NKAIN2: variants seen among roughly 807,000 people sequenced by gnomAD.
NKAIN2 encodes the protein sodium/potassium-transporting ATPase subunit beta-1-interacting protein 2.
NKAIN2 carries 14 observed loss-of-function variants against 32.6 expected under a neutral mutation model. The observed-to-expected ratio is 0.43, with a 90% CI of 0.28 to 0.67. The LOEUF (loss-of-function observed/expected upper bound fraction) is 0.67. NKAIN2 is among the 30% of genes least tolerant of loss of function. The pLI, the probability that NKAIN2 is intolerant of heterozygous loss-of-function variation, is 0.17. For missense variants in NKAIN2, 198 were observed against 258.3 expected (o/e 0.77, Z 1.60); for synonymous variants, 80 against 87.2 (o/e 0.92, Z 0.46).
chr6:124,231,435 A>G (rs1416316766), intron 1 of NKAIN2, among the ~76,000 whole-genome samples: 1 of 152,302 alleles, frequency 6.6e-6, no homozygotes, highest in African/African-American at 2.4e-5. Context: ...ATGTAAAGAC[A>G]TGAGATTTGG....
At chr6:124,276,087 A>T (rs1795017320) in intron 1 of NKAIN2, among the ~76,000 whole-genome samples, 1 of 151,898 alleles carries the variant, frequency 6.6e-6, no homozygotes, top group Non-Finnish European at 1.5e-5. Context: ...TAATCAGAGC[A>T]ATTAGGGCCA....
At chr6:124,259,071 G>C (rs1794094784) in intron 1 of NKAIN2, among the ~76,000 whole-genome samples, 1 of 152,140 alleles carries the variant, frequency 6.6e-6, no homozygotes, top group Non-Finnish European at 1.5e-5. Context: ...GGTTACTGAG[G>C]AGGGGTTTAC....
chr6:124,511,064 A>T (rs928791748), intron 3 of NKAIN2, among the ~76,000 whole-genome samples: 3 of 152,202 alleles, frequency 2.0e-5, no homozygotes, highest in Non-Finnish European at 4.4e-5. Flanking sequence ...AATTGACATT[A>T]CTAGTTTCAA....
intron 3 of NKAIN2, among the ~76,000 whole-genome samples, chr6:124,600,880 T>C (rs1322293124): frequency 6.6e-6 from 1 of 152,048 alleles, no homozygotes; most frequent in East Asian, 1.9e-4. Flanking sequence ...GCCTTCTCGA[T>C]TTTTTAAAAA....
intron 5 of NKAIN2, among the ~76,000 whole-genome samples, chr6:124,806,819 A>AGG (rs1307158211): frequency 7.9e-5 from 12 of 151,650 alleles, no homozygotes; most frequent in South Asian, 6.3e-4. Flanking sequence ...GGAAAACAAA[A>AGG]AAAGGCAGGG....
chr6:124,645,101 A>G (rs778776925), intron 3 of NKAIN2, among the ~76,000 whole-genome samples: 1 of 152,230 alleles, frequency 6.6e-6, no homozygotes, highest in Non-Finnish European at 1.5e-5. Flanking sequence ...AAGAATTAAC[A>G]GTGAGACAAG....
intron 1 of NKAIN2, among the ~76,000 whole-genome samples, chr6:124,168,479 T>G (rs1383223171): frequency 6.6e-6 from 1 of 152,140 alleles, no homozygotes; most frequent in Non-Finnish European, 1.5e-5. Flanking sequence ...ATGACAGTTA[T>G]CCATGGGTTA....
rs73772173 is a variant in NKAIN2, at chr6:124,595,387, T to A, written c.274-62799T>A. Among the ~76,000 whole-genome samples the A allele has an allele frequency of 5.7e-3, 867 of 152,278 alleles. 9 individuals are homozygous for A. Among genetic ancestry groups the A allele is most frequent in the African/African-American group, 0.02 (822 of 41,566 alleles). On this transcript the variant is annotated intron_variant, in intron 3 of 6. Transcript: ENST00000368417. ...GGCCATTTTCACAGACCCTGCCTGC[T>A]CGGTCCTTGGGCTAACATTGCAGAA... is the stretch of plus-strand genomic sequence containing the variant.
chr6:124,503,347 A>G (rs1349667163), intron 3 of NKAIN2, among the ~76,000 whole-genome samples: 1 of 152,206 alleles, frequency 6.6e-6, no homozygotes, highest in Non-Finnish European at 1.5e-5. Flanking sequence ...AGGTACATTC[A>G]TAGAGACATC....
At position 124,641,530 on chromosome 6, in the gene NKAIN2, CTTTTTTTTTTTTTTTTTTTTTTTTTT is replaced by C. The variant is rs755033671; in HGVS notation, c.274-16642_274-16617del. 5.6e-3 allele frequency among the ~76,000 whole-genome samples: 109 copies of C among 19,540 alleles called. 1 individual carries two copies. Among genetic ancestry groups the C allele is most frequent in the Admixed American group, 0.036 (46 of 1,290 alleles). 12.8% of individuals were successfully genotyped at this position (19,540 alleles called of 152,430 possible). A position where few individuals can be genotyped will look rare whatever the true frequency, so the allele number is the denominator to read the frequency against. ...ATACATTTTGTTGTTAAAACACTAGCTTTTTTTTTTTTTTTTTTTTTTTTTTTTTTTTTTTTTTTGAGACAGTGTCT... is the reference window on the plus strand; with the variant it reads ...ATACATTTTGTTGTTAAAACACTAGCTTTTTTTTTTTTTGAGACAGTGTCT... On this transcript the variant is annotated intron_variant, in intron 3 of 6. Coordinates refer to ENST00000368417, the MANE Select transcript of NKAIN2 (RefSeq NM_001040214.3).
chr6:124,291,837 C>T (rs1454455649), intron 2 of NKAIN2, among the ~76,000 whole-genome samples: 1 of 152,036 alleles, frequency 6.6e-6, no homozygotes, highest in African/African-American at 2.4e-5. Context: ...TCTGGCTCCT[C>T]CTTTGAGTTT....
intron 5 of NKAIN2, among the ~76,000 whole-genome samples, chr6:124,809,374 C>A (rs1780764776): frequency 6.7e-6 from 1 of 149,038 alleles, no homozygotes; most frequent in Non-Finnish European, 1.5e-5. Flanking sequence ...GAAAAACAAG[C>A]AATGGGGAAA....
intron 3 of NKAIN2, among the ~76,000 whole-genome samples, chr6:124,482,310 CT>C (rs1777486082): frequency 1.3e-5 from 2 of 152,102 alleles, no homozygotes; most frequent in African/African-American, 4.8e-5. Context: ...TATCTTGGTT[CT>C]AAAAACAGTT....
chr6:124,217,516 A>C (rs1184342713), intron 1 of NKAIN2, among the ~76,000 whole-genome samples: 1 of 152,020 alleles, frequency 6.6e-6, no homozygotes, highest in Non-Finnish European at 1.5e-5. Flanking sequence ...ATGGAAAATG[A>C]TTGTATTTTA....
intron 3 of NKAIN2, among the ~76,000 whole-genome samples, chr6:124,539,523 G>A (rs376909832): frequency 2.0e-5 from 3 of 151,830 alleles, no homozygotes; most frequent in East Asian, 1.9e-4. Flanking sequence ...ATTTTATAAC[G>A]TGCAATAAAT....
intron 1 of NKAIN2, among the ~76,000 whole-genome samples, chr6:124,087,562 AGCAAG>A (rs1784239779): frequency 6.6e-6 from 1 of 152,074 alleles, no homozygotes; most frequent in Non-Finnish European, 1.5e-5. Flanking sequence ...TAATGATTAT[AGCAAG>A]TTGGTATGAC....
At chr6:124,436,987 C>T (rs566046815) in intron 3 of NKAIN2, among the ~76,000 whole-genome samples, 12 of 152,252 alleles carry the variant, frequency 7.9e-5, no homozygotes, top group African/African-American at 2.9e-4. Flanking sequence ...TCCAGGCCCA[C>T]ACTGTCTCAG....
chr6:124,433,288 C>T (rs1775295063), intron 3 of NKAIN2, among the ~76,000 whole-genome samples: 1 of 152,120 alleles, frequency 6.6e-6, no homozygotes, highest in Admixed American at 6.6e-5. Flanking sequence ...ATGAAGAAAA[C>T]TCTAGAGAAA....
At chr6:124,651,218 A>G (rs1165365359) in intron 3 of NKAIN2, among the ~76,000 whole-genome samples, 1 of 151,948 alleles carries the variant, frequency 6.6e-6, no homozygotes. Flanking sequence ...CCCCACCTCT[A>G]TTGCTTTGCT....
Sources: allele counts gnomAD v4.1 joint callset (sites outside exome capture counted in the v4.1 genomes callset), GRCh38; gene constraint gnomAD v4.1.1; transcripts MANE v1.5; gene names NCBI Gene and HGNC (gene_info 2026-07-23, HGNC 2026-07-21).